QSER1: variants seen among roughly 807,000 people sequenced by gnomAD.
The protein encoded by QSER1 is glutamine and serine rich 1.
A neutral mutation model predicts 158.5 loss-of-function variants in QSER1; 49 were observed. The observed-to-expected ratio is 0.31, with a 90% CI of 0.25 to 0.39. QSER1 has a LOEUF of 0.39. Among genes scored for constraint, QSER1 ranks in the 10% least tolerant of loss-of-function variants. The pLI is 1.00. For missense variants in QSER1, 1,754 were observed against 2,010.3 expected (o/e 0.87, Z 2.44); for synonymous variants, 650 against 715.5 (o/e 0.91, Z 1.46).
At chr11:32,967,704 G>C (rs1369636127) in intron 9 of QSER1, among the ~76,000 whole-genome samples, 1 of 152,126 alleles carries the variant, frequency 6.6e-6, no homozygotes, top group African/African-American at 2.4e-5. Context: ...GGTTCAGAGA[G>C]GTTAAGTGAC....
At chr11:32,948,214 C>A (rs1852366897) in intron 4 of QSER1, among the ~76,000 whole-genome samples, 1 of 152,166 alleles carries the variant, frequency 6.6e-6, no homozygotes, top group Non-Finnish European at 1.5e-5. Flanking sequence ...TATACTGAAA[C>A]TAATAGGATG....
chr11:32,897,483 T>G (rs548771344), intron 1 of QSER1, among the ~76,000 whole-genome samples: 2 of 152,354 alleles, frequency 1.3e-5, no homozygotes, highest in East Asian at 3.9e-4. Context: ...TACATTCCTT[T>G]TCACTTCCAT....
chr11:32,931,842 C>T lies in QSER1; in HGVS notation c.584C>T (p.Thr195Ile), dbSNP rs1432881854. ...PSLSAYQHPT[T>I]FSNRNFATTS... ...CTCTCTGCTTATCAGCATCCCACCA[C>T]CTTCAGCAATAGAAACTTTGCTACC... Residue 195 changes from threonine (T) to isoleucine (I), a missense_variant, in exon 4 of 13, where the codon ACC (threonine) becomes ATC (isoleucine). By Grantham distance (89) the Thr-to-Ile change is moderately conservative. Coordinates refer to ENST00000650167, the MANE Select transcript of QSER1 (RefSeq NM_001076786.3). The T allele has an allele frequency of 1.2e-6, 2 of 1,614,170 alleles. No individual in the cohort carries two copies. The highest frequency in any genetic ancestry group is 3.3e-5 in the Admixed American group (2 of 60,034).
rs1476154283 is a variant in QSER1 at position 32,973,666 on chromosome 11, T to C, written c.5358+117T>C. Reference sequence around the variant, plus strand: ...ATGTTGTCATTAAGTGTGAAGGTTTTTCAGGTAGGAATAAGCGTCACTGGC... The same window carrying C: ...ATGTTGTCATTAAGTGTGAAGGTTTCTCAGGTAGGAATAAGCGTCACTGGC... On this transcript the variant is annotated intron_variant, in intron 11 of 12. Coordinates refer to ENST00000650167, the MANE Select transcript of QSER1 (RefSeq NM_001076786.3). 7 of 1,009,456 alleles carry C rather than the reference T, an allele frequency of 6.9e-6. No homozygotes were observed. In the East Asian group the frequency reaches 1.8e-4, roughly 26 times the overall value. The allele number at this position is 1,009,456 out of a possible 1,614,324, so 62.5% of individuals were successfully genotyped here. A position where few individuals can be genotyped will look rare whatever the true frequency, so the allele number is the denominator to read the frequency against.
chr11:32,963,164 A>G (rs973824161), intron 8 of QSER1, among the ~76,000 whole-genome samples: 2 of 152,194 alleles, frequency 1.3e-5, no homozygotes, highest in Non-Finnish European at 2.9e-5. Context: ...ATTTTGTTTT[A>G]TCTTTTTTTG....
intron 8 of QSER1, among the ~76,000 whole-genome samples, chr11:32,964,134 A>G (rs1852680440): frequency 6.6e-6 from 1 of 152,016 alleles, no homozygotes; most frequent in African/African-American, 2.4e-5. Flanking sequence ...CACCACACCT[A>G]GCTAACTTAA....
chr11:32,979,187 C>G lies in QSER1; in HGVS notation c.*2713C>G, dbSNP rs1853030534. On this transcript the variant is annotated 3_prime_UTR_variant, in exon 13 of 13. Transcript: ENST00000650167. ...GTAATGCGGCGCATGACTATAAATACCTAGCTGGTTAGCATTTACATTCCT... is the reference window on the plus strand; with the variant it reads ...GTAATGCGGCGCATGACTATAAATAGCTAGCTGGTTAGCATTTACATTCCT... 6.6e-6 allele frequency: 1 copy of G among 152,558 alleles called. No homozygotes were observed. The highest frequency in any genetic ancestry group is 2.1e-4 in the South Asian group (1 of 4,820). 9.5% of individuals were successfully genotyped at this position (152,558 alleles called of 1,614,324 possible).
chr11:32,974,139 G>A (rs542107856), intron 11 of QSER1, among the ~76,000 whole-genome samples: 9 of 152,256 alleles, frequency 5.9e-5, no homozygotes, highest in African/African-American at 2.2e-4. Context: ...ATGTATTCAG[G>A]GCTAAGCACA....
rs547435828 is a variant in QSER1 at position 32,970,648 on chromosome 11, G to A, written c.5205+1505G>A. 1.3e-4 allele frequency among the ~76,000 whole-genome samples: 20 copies of A among 152,166 alleles called. No individual in the cohort carries two copies. The East Asian group carries it at 2.9e-3, about 22-fold the overall frequency. ...TCGAACTCCTGACTTCAAGTGATCC[G>A]CCTACTTCCGCCTCCCAAAGTGCTG... is the stretch of plus-strand genomic sequence containing the variant. On this transcript the variant is annotated intron_variant, in intron 10 of 12. Coordinates refer to ENST00000650167, the MANE Select transcript of QSER1 (RefSeq NM_001076786.3).
Position 32,934,141 on chromosome 11 carries a change from G to C in QSER1, c.2883G>C (p.Ser961=), listed in dbSNP as rs754052538. The C allele has an allele frequency of 6.2e-7, 1 of 1,613,834 alleles. No homozygotes were observed. Among genetic ancestry groups the C allele is most frequent in the Non-Finnish European group, 8.5e-7 (1 of 1,179,940 alleles). Residue 961 remains serine (S), a synonymous_variant, in exon 4 of 13, where the codon TCG becomes TCC. Coordinates refer to ENST00000650167, the MANE Select transcript of QSER1 (RefSeq NM_001076786.3). ...DSKNQFVSLG[S]MCFPEAVLLS... ...AGAATCAGTTTGTTTCTCTTGGATC[G>C]ATGTGTTTCCCAGAGGCAGTGCTTC...
chr11:32,895,341 C>T (rs1019495022), intron 1 of QSER1, among the ~76,000 whole-genome samples: 7 of 152,150 alleles, frequency 4.6e-5, no homozygotes, highest in Non-Finnish European at 2.9e-5. Context: ...CCCCCTCCCC[C>T]GCCAGCCTGC....
chr11:32,906,088 A>G (rs1388016630), intron 1 of QSER1, among the ~76,000 whole-genome samples: 1 of 151,604 alleles, frequency 6.6e-6, no homozygotes, highest in African/African-American at 2.4e-5. Context: ...TCTACTATAA[A>G]AAAGACTATT....
intron 4 of QSER1, among the ~76,000 whole-genome samples, chr11:32,943,523 T>C (rs1401025649): frequency 1.3e-5 from 2 of 150,590 alleles, no homozygotes; most frequent in African/African-American, 4.9e-5. Flanking sequence ...TCTGTTTATA[T>C]GCTGGATTAC....
intron 4 of QSER1, among the ~76,000 whole-genome samples, chr11:32,948,938 T>C (rs1020217706): frequency 2.0e-5 from 3 of 152,150 alleles, no homozygotes; most frequent in African/African-American, 7.2e-5. Flanking sequence ...CTGGTTACAA[T>C]AGAAATTACA....
Position 32,935,252 on chromosome 11 carries a change from T to G in QSER1, c.3994T>G (p.Leu1332Val), listed in dbSNP as rs774349680. 1.3e-5 allele frequency: 21 copies of G among 1,613,824 alleles called. No homozygotes were observed. Among genetic ancestry groups the G allele is most frequent in the Non-Finnish European group, 1.8e-5 (21 of 1,179,952 alleles). ...PKPSSTTPTPLVSETGGNSPS... is the reference protein window; with the variant it reads ...PKPSSTTPTPVVSETGGNSPS... ...GCCTTCATCTACAACACCCACACCTTTAGTGTCTGAAACTGGCGGTAACAG... is the reference window on the plus strand; with the variant it reads ...GCCTTCATCTACAACACCCACACCTGTAGTGTCTGAAACTGGCGGTAACAG... Residue 1332 changes from leucine (L) to valine (V), a missense_variant, in exon 4 of 13, where the codon TTA becomes GTA. Physicochemically the swap from Leu to Val is conservative, Grantham distance 32 (BLOSUM62 1). Around this residue, in one of 2 missense-constraint regions of QSER1, gnomAD observed 1,707 missense variants for 1,919.6 expected, o/e 0.89. Coordinates refer to ENST00000650167, the MANE Select transcript of QSER1 (RefSeq NM_001076786.3).
intron 1 of QSER1, among the ~76,000 whole-genome samples, chr11:32,910,153 T>C (rs1309857440): frequency 6.6e-6 from 1 of 152,188 alleles, no homozygotes; most frequent in Admixed American, 6.5e-5. Flanking sequence ...TTCAGGCCTT[T>C]TCCTAACTGT....
At chr11:32,903,721 C>G (rs1018945765) in intron 1 of QSER1, among the ~76,000 whole-genome samples, 1 of 152,130 alleles carries the variant, frequency 6.6e-6, no homozygotes, top group Admixed American at 6.5e-5. Context: ...AAGCAATTCT[C>G]CTGGCTCAGC....
Position 32,935,221 on chromosome 11 carries a change from TC to T in QSER1, c.3966del (p.Lys1323SerfsTer10). On this transcript the variant is annotated frameshift_variant, in exon 4 of 13. Transcript: ENST00000650167. LOFTEE classifies it high-confidence loss of function. ...MVRTFCPPPL[P>X]KPSSTTPTPL... is the part of the protein sequence containing the mutation. ...TTCGTACATTTTGTCCCCCACCACT[TC>T]CCAAGCCTTCATCTACAACACCCAC... The T allele has an allele frequency of 6.2e-7, 1 of 1,613,910 alleles. No individual in the cohort carries two copies. Among genetic ancestry groups the T allele is most frequent in the Non-Finnish European group, 8.5e-7 (1 of 1,179,878 alleles).
intron 1 of QSER1, among the ~76,000 whole-genome samples, chr11:32,906,106 T>G (rs867013548): frequency 4.0e-4 from 45 of 112,374 alleles, no homozygotes; most frequent in Admixed American, 1.8e-3. Flanking sequence ...ATTTTTTAGT[T>G]TTTTTTTTTT....
Sources: allele counts gnomAD v4.1 joint callset (sites outside exome capture counted in the v4.1 genomes callset), GRCh38; gene constraint gnomAD v4.1.1; regional missense constraint gnomAD v4.1.1; transcripts MANE v1.5; gene names NCBI Gene and HGNC (gene_info 2026-07-23, HGNC 2026-07-21).